The following MAP4 variants were observed in gnomAD, a reference collection of about 807,000 sequenced individuals.
MAP4 encodes the protein microtubule-associated protein 4.
In MAP4, 76 loss-of-function variants were observed where a neutral mutation model predicts 170.2. That is an observed-to-expected ratio of 0.45 (90% CI 0.37 to 0.54). The LOEUF (loss-of-function observed/expected upper bound fraction) is 0.54, where lower values mean the gene tolerates loss of function less well. Ranked by LOEUF, MAP4 falls within the 20% of genes least tolerant of loss-of-function variation. The probability of loss-of-function intolerance (pLI) is 0.00; values close to 1 mark genes in which losing one functional copy is unlikely to be tolerated. For synonymous variants in MAP4, 909 were observed against 994.5 expected (o/e 0.91, Z 1.62); for missense variants, 2,506 against 2,748.0 (o/e 0.91, Z 1.97).
At chr3:47,892,690 T>G (rs527928984) in intron 10 of MAP4, 25 of 1,375,870 alleles carry the variant, frequency 1.8e-5, no homozygotes, top group Admixed American at 6.9e-5. Flanking sequence ...AAAGGAAGAA[T>G]GAATGAAAGC....
intron 1 of MAP4, among the ~76,000 whole-genome samples, chr3:48,004,963 G>A (rs560581977): frequency 7.9e-5 from 12 of 152,130 alleles, no homozygotes; most frequent in Non-Finnish European, 1.5e-4. Flanking sequence ...TCCTTAGAAG[G>A]TACCTGCAAC....
At chr3:47,937,917 C>CCAGA (rs2100053975) in intron 3 of MAP4, among the ~76,000 whole-genome samples, 1 of 150,892 alleles carries the variant, frequency 6.6e-6, no homozygotes, top group Non-Finnish European at 1.5e-5. Flanking sequence ...CCGCCTCAGT[C>CCAGA]TCCCAAAGTG....
At chr3:47,974,884 A>AT in intron 3 of MAP4, 1 of 976,524 alleles carries the variant, frequency 1.0e-6, no homozygotes, top group Non-Finnish European at 1.2e-6. Context: ...CATTATTTAG[A>AT]TTTTAGTAAG....
chr3:48,007,341 A>AG (rs1335786041), intron 1 of MAP4, among the ~76,000 whole-genome samples: 1 of 152,250 alleles, frequency 6.6e-6, no homozygotes, highest in Non-Finnish European at 1.5e-5. Context: ...CAACCAAGAA[A>AG]GAGGCACAAT....
At chr3:47,935,954 A>T (rs577378962) in intron 3 of MAP4, among the ~76,000 whole-genome samples, 81 of 151,470 alleles carry the variant, frequency 5.3e-4, no homozygotes, top group East Asian at 9.7e-4. Flanking sequence ...AAAAAAAAAA[A>T]AAATATTAGG....
intron 2 of MAP4, among the ~76,000 whole-genome samples, chr3:47,981,071 G>T (rs1357443852): frequency 6.6e-6 from 1 of 152,102 alleles, no homozygotes; most frequent in Non-Finnish European, 1.5e-5. Context: ...TCAGTTTTAG[G>T]TATTTAGTTC....
At chr3:47,891,501 C>A in intron 10 of MAP4, 2 of 1,514,548 alleles carry the variant, frequency 1.3e-6, no homozygotes, top group South Asian at 2.5e-5. Context: ...GGCAGCAGGC[C>A]AGAAGAAGGC....
intron 6 of MAP4, 70 bp from the exon 7 acceptor site, chr3:47,917,244 G>C (rs1315705049): frequency 3.1e-6 from 4 of 1,294,706 alleles, no homozygotes; most frequent in Non-Finnish European, 2.2e-6. Context: ...ACTTTCTTCA[G>C]GCATGAGAGT....
chr3:47,885,949 C>T lies in MAP4; in HGVS notation c.5435-8426G>A, dbSNP rs971111852. Reference sequence around the variant, plus strand: ...TTCGCTGTGTTAGCCAGGATGGTCTCGATCTCCTGACCTCATGATCCGCCC... The same window carrying T: ...TTCGCTGTGTTAGCCAGGATGGTCTTGATCTCCTGACCTCATGATCCGCCC... On this transcript the variant is annotated intron_variant, in intron 10 of 20. Transcript: ENST00000683076. Among the ~76,000 whole-genome samples the T allele has an allele frequency of 2.0e-5, 3 of 152,216 alleles. 1 individual carries two copies. The highest frequency in any genetic ancestry group is 1.5e-5 in the Non-Finnish European group (1 of 68,016).
chr3:48,061,020 T>G (rs918420740), intron 1 of MAP4, among the ~76,000 whole-genome samples: 1 of 151,986 alleles, frequency 6.6e-6, no homozygotes, highest in African/African-American at 2.4e-5. Flanking sequence ...AATTTTTTTG[T>G]ATTTTTAGTA....
intron 19 of MAP4, among the ~76,000 whole-genome samples, chr3:47,854,952 C>G (rs2052331980): frequency 6.6e-6 from 1 of 152,184 alleles, no homozygotes; most frequent in South Asian, 2.1e-4. Flanking sequence ...TGGTCTGTGT[C>G]CCAGTCCGTG....
At position 47,912,163 on chromosome 3, in the gene MAP4, T is replaced by A. The variant is rs780085339; in HGVS notation, c.2258A>T (p.Asp753Val). Residue 753 changes from aspartate to valine, a missense_variant, in exon 9 of 21, where the codon GAT becomes GTT. Coordinates refer to ENST00000683076, the MANE Select transcript of MAP4 (RefSeq NM_001385682.1). ...IHVDSLEPQR[D>V]LGREAWDIES... is the part of the protein sequence containing the mutation. ...TATATCCCAGGCCTCCCTGCCAAGA[T>A]CCCTCTGGGGTTCAAGTGAGTCAAC... is the stretch of plus-strand genomic sequence containing the variant. The A allele has an allele frequency of 8.4e-5, 129 of 1,536,078 alleles. No homozygotes were observed. The highest frequency in any genetic ancestry group is 1.1e-4 in the Non-Finnish European group (123 of 1,146,928).
chr3:47,884,452 T>C (rs1369719928), intron 10 of MAP4, among the ~76,000 whole-genome samples: 1 of 152,216 alleles, frequency 6.6e-6, no homozygotes, highest in Admixed American at 6.5e-5. Context: ...TCTGATTTTG[T>C]ACTTTAGCAT....
At chr3:47,907,984 T>C (rs1577397616) in intron 9 of MAP4, among the ~76,000 whole-genome samples, 1 of 152,288 alleles carries the variant, frequency 6.6e-6, no homozygotes, top group South Asian at 2.1e-4. Flanking sequence ...GTCCATACCA[T>C]GCAGAACACA....
intron 1 of MAP4, among the ~76,000 whole-genome samples, chr3:48,040,790 T>C (rs2100121244): frequency 6.6e-6 from 1 of 152,128 alleles, no homozygotes; most frequent in Admixed American, 6.5e-5. Flanking sequence ...CTTGAACTGC[T>C]GACCTTATGA....
At chr3:48,008,522 C>T in intron 1 of MAP4, among the ~76,000 whole-genome samples, 1 of 152,196 alleles carries the variant, frequency 6.6e-6, no homozygotes. Context: ...CATTCATGGG[C>T]TGTAGCCAAT....
At chr3:47,857,330 G>T in intron 18 of MAP4, 101 bp downstream of exon 18, 1 of 889,518 alleles carries the variant, frequency 1.1e-6, no homozygotes, top group Non-Finnish European at 1.9e-6. Context: ...GGATGCTAAA[G>T]GCACAGAGAT....
chr3:47,966,405 C>A (rs1485939331), intron 3 of MAP4, among the ~76,000 whole-genome samples: 9 of 151,704 alleles, frequency 5.9e-5, no homozygotes, highest in Admixed American at 3.3e-4. Flanking sequence ...TGCCACCATG[C>A]CCGGCTAATT....
intron 8 of MAP4, among the ~76,000 whole-genome samples, chr3:47,914,516 C>T (rs1021986708): frequency 6.7e-5 from 10 of 149,830 alleles, no homozygotes; most frequent in Admixed American, 4.7e-4. Flanking sequence ...CGCCATTGCA[C>T]GCCAGCCTGG....
Sources: gnomAD v4.1 joint callset for allele counts (sites outside exome capture counted in the v4.1 genomes callset) on GRCh38, gnomAD v4.1.1 for gene constraint, MANE v1.5 for transcripts, NCBI Gene and HGNC (gene_info 2026-07-23, HGNC 2026-07-21) for gene names.